IL1RAPL1: variants seen among roughly 807,000 people sequenced by gnomAD.
IL1RAPL1 encodes the protein interleukin-1 receptor accessory protein-like 1.
A neutral mutation model predicts 48.4 loss-of-function variants in IL1RAPL1; 3 were observed. That is an observed-to-expected ratio of 0.06 (90% CI 0.03 to 0.16). The LOEUF (loss-of-function observed/expected upper bound fraction) is 0.16, where lower values mean the gene tolerates loss of function less well. Ranked by LOEUF, IL1RAPL1 falls within the 10% of genes least tolerant of loss-of-function variation. The pLI, the probability that IL1RAPL1 is intolerant of heterozygous loss-of-function variation, is 1.00. For missense variants in IL1RAPL1, 349 were observed against 530.6 expected, an observed-to-expected ratio of 0.66 and a Z score of 3.36; for synonymous variants, 185 against 187.7, an observed-to-expected ratio of 0.99 and a Z score of 0.12.
chrX:28,807,967 G>T (rs1007319021), intron 2 of IL1RAPL1, among the ~76,000 whole-genome samples: 1 of 110,996 alleles, frequency 9.0e-6, no homozygotes, highest in African/African-American at 3.3e-5. Flanking sequence ...AGAATGCAGA[G>T]TAGGAGAAGC....
chrX:29,595,472 G>A (rs1240395917), intron 5 of IL1RAPL1, among the ~76,000 whole-genome samples: 1 of 111,709 alleles, frequency 9.0e-6, no homozygotes, highest in Non-Finnish European at 1.9e-5. Flanking sequence ...GTTTTGATTT[G>A]CATTTCCCTG....
chrX:29,124,636 G>T (rs747481782), intron 2 of IL1RAPL1, among the ~76,000 whole-genome samples: 1 of 112,024 alleles, frequency 8.9e-6, no homozygotes, highest in Non-Finnish European at 1.9e-5. Context: ...ATTTGAAATT[G>T]TTAGTCTTAT....
chrX:29,804,370 G>T (rs1201661997), intron 6 of IL1RAPL1, among the ~76,000 whole-genome samples: 1 of 111,260 alleles, frequency 9.0e-6, no homozygotes, highest in Admixed American at 9.6e-5. Flanking sequence ...TTTGAGGGAA[G>T]AGATACTGAT....
intron 3 of IL1RAPL1, among the ~76,000 whole-genome samples, chrX:29,294,046 A>G (rs1235251625): frequency 9.1e-6 from 1 of 110,275 alleles, no homozygotes; most frequent in Non-Finnish European, 1.9e-5. Flanking sequence ...GTAAAAAAAA[A>G]AAAATAAATG....
chrX:28,903,255 G>A (rs1923126348), intron 2 of IL1RAPL1, among the ~76,000 whole-genome samples: 1 of 110,552 alleles, frequency 9.0e-6, no homozygotes, highest in South Asian at 3.9e-4. Flanking sequence ...AAGTAGCTGA[G>A]GTTACAGGCA....
intron 6 of IL1RAPL1, among the ~76,000 whole-genome samples, chrX:29,747,404 T>G: frequency 8.9e-6 from 1 of 112,701 alleles, no homozygotes; most frequent in Middle Eastern, 4.6e-3. Flanking sequence ...AAATTGAAAA[T>G]ACCATTATTC....
At chrX:29,354,500 T>C (rs903497008) in intron 3 of IL1RAPL1, among the ~76,000 whole-genome samples, 4 of 112,039 alleles carry the variant, frequency 3.6e-5, no homozygotes, top group Non-Finnish European at 7.5e-5. Flanking sequence ...TCTCATGTAA[T>C]TTATTGAATA....
intron 3 of IL1RAPL1, among the ~76,000 whole-genome samples, chrX:29,378,454 A>T (rs1412255438): frequency 1.8e-5 from 2 of 111,832 alleles, no homozygotes; most frequent in East Asian, 5.6e-4. Context: ...CTGGCTTTTT[A>T]AGTTGCTACA....
intron 2 of IL1RAPL1, among the ~76,000 whole-genome samples, chrX:29,167,663 C>T (rs966911256): frequency 2.7e-5 from 3 of 110,490 alleles, no homozygotes; most frequent in African/African-American, 9.8e-5. Flanking sequence ...CTCTTATTTT[C>T]GGTCTGTTTT....
At chrX:28,924,846 T>C (rs892647565) in intron 2 of IL1RAPL1, among the ~76,000 whole-genome samples, 42 of 112,189 alleles carry the variant, frequency 3.7e-4, no homozygotes, top group African/African-American at 1.2e-3. Context: ...GAAAGTACAT[T>C]ACTTTTAAAT....
intron 6 of IL1RAPL1, among the ~76,000 whole-genome samples, chrX:29,907,354 TTTG>T (rs775910854): frequency 2.6e-3 from 285 of 111,658 alleles, no homozygotes; most frequent in African/African-American, 8.5e-3. Flanking sequence ...CTTGCACTTT[TTTG>T]TTATTTCTAG....
chrX:29,423,085 T>C (rs753870568), intron 5 of IL1RAPL1, among the ~76,000 whole-genome samples: 271 of 111,684 alleles, frequency 2.4e-3, no homozygotes, highest in Non-Finnish European at 3.1e-3. Flanking sequence ...ACCTGGAGGC[T>C]TCATCTGCAT....
In IL1RAPL1 at chrX:28,984,197, C is replaced by T. The variant is rs189199155; in HGVS notation, c.82+194772C>T. On this transcript the variant is annotated intron_variant, in intron 2 of 10. Coordinates refer to ENST00000378993, the MANE Select transcript of IL1RAPL1 (RefSeq NM_014271.4). ...CCAGAAATGTGGTTAGTGTAACTGA[C>T]CTGATGCTGAATTTTAAATTGTCTA... is the stretch of plus-strand genomic sequence containing the variant. Among the ~76,000 whole-genome samples, 442 of 111,620 alleles carry T rather than the reference C, an allele frequency of 4.0e-3. 2 individuals are homozygous for T. The highest frequency in any genetic ancestry group is 7.1e-3 in the Non-Finnish European group (377 of 53,033).
intron 3 of IL1RAPL1, among the ~76,000 whole-genome samples, chrX:29,362,456 AG>A (rs1362418050): frequency 8.9e-6 from 1 of 112,088 alleles, no homozygotes; most frequent in Admixed American, 9.5e-5. Context: ...CTGTATCCAC[AG>A]CTCCCTACCA....
At chrX:29,250,962 A>G (rs773334917) in intron 2 of IL1RAPL1, among the ~76,000 whole-genome samples, 3 of 108,129 alleles carry the variant, frequency 2.8e-5, no homozygotes, top group Non-Finnish European at 3.8e-5. Context: ...CCTAACAACC[A>G]TGCTAATTCT....
intron 6 of IL1RAPL1, among the ~76,000 whole-genome samples, chrX:29,907,178 G>T (rs1932649907): frequency 9.0e-6 from 1 of 110,892 alleles, no homozygotes; most frequent in South Asian, 3.8e-4. Flanking sequence ...CATTCTAGAT[G>T]CTATGCTAAG....
At chrX:28,650,594 T>G (rs866555742) in intron 1 of IL1RAPL1, among the ~76,000 whole-genome samples, 1 of 111,841 alleles carries the variant, frequency 8.9e-6, no homozygotes, top group African/African-American at 3.2e-5. Context: ...TGAGGAATTT[T>G]AGTTTGGGCA....
rs767865799 is a variant in IL1RAPL1 at position 29,441,128 on chromosome X, A to G, written c.703+41820A>G. On this transcript the variant is annotated intron_variant, in intron 5 of 10. Coordinates refer to ENST00000378993, the MANE Select transcript of IL1RAPL1 (RefSeq NM_014271.4). ...CATATCCTTCACTGGCCTCTCTTTC[A>G]AAGAACCCATCCTACAAATATGCCC... is the stretch of plus-strand genomic sequence containing the variant. Among the ~76,000 whole-genome samples, 7 of 110,812 alleles carry G rather than the reference A, an allele frequency of 6.3e-5. No individual in the cohort carries two copies. In the East Asian group the frequency reaches 1.1e-3, roughly 18 times the overall value.
chrX:29,276,033 G>A (rs764239100), intron 2 of IL1RAPL1, among the ~76,000 whole-genome samples: 22 of 112,330 alleles, frequency 2.0e-4, no homozygotes, highest in South Asian at 7.4e-4. Flanking sequence ...CTTGAACCCT[G>A]TTACTTTCTC....
Sources: gnomAD v4.1 joint callset for allele counts (sites outside exome capture counted in the v4.1 genomes callset) on GRCh38, gnomAD v4.1.1 for gene constraint, MANE v1.5 for transcripts, NCBI Gene and HGNC (gene_info 2026-07-23, HGNC 2026-07-21) for gene names.